The following HYAL4 variants were observed in gnomAD, a reference collection of about 807,000 sequenced individuals.
HYAL4 encodes hyaluronidase 4, also known as hyaluronidase-4.
In HYAL4, 37 loss-of-function variants were observed where a neutral mutation model predicts 35.2. The observed-to-expected ratio is 1.05, with a 90% CI of 0.81 to 1.38. The LOEUF (loss-of-function observed/expected upper bound fraction) is 1.38. HYAL4 is among the 40% of genes most tolerant of loss of function. HYAL4 has a pLI of 0.00. For missense variants in HYAL4, 572 were observed against 572.4 expected, an observed-to-expected ratio of 1.00 and a Z score of 0.01; for synonymous variants, 198 against 203.2, an observed-to-expected ratio of 0.97 and a Z score of 0.22.
chr7:123,804,536 T>C, the HYAL4 span, among the ~76,000 whole-genome samples: 1 of 152,220 alleles, frequency 6.6e-6, no homozygotes, highest in Non-Finnish European at 1.5e-5. Flanking sequence ...AACAGCTAAT[T>C]TAAAAAAAGA....
At chr7:123,813,435 A>C in the HYAL4 span, among the ~76,000 whole-genome samples, 4 of 152,184 alleles carry the variant, frequency 2.6e-5, no homozygotes, top group Non-Finnish European at 5.9e-5. Flanking sequence ...TATACAATCC[A>C]GTTTCTTTAT....
At chr7:123,796,570 GTAGTTCCACTTC>G in the HYAL4 span, among the ~76,000 whole-genome samples, 1 of 152,158 alleles carries the variant, frequency 6.6e-6, no homozygotes, top group African/African-American at 2.4e-5. Context: ...ATATGACCTA[GTAGTTCCACTTC>G]TAGGTACATG....
the HYAL4 span, among the ~76,000 whole-genome samples, chr7:123,766,179 C>T: frequency 3.3e-5 from 5 of 152,242 alleles, no homozygotes; most frequent in South Asian, 2.1e-4. Flanking sequence ...AGGGACATTA[C>T]GCTGGCATCT....
intron 2 of HYAL4, among the ~76,000 whole-genome samples, chr7:123,866,523 C>T (rs2116953266): frequency 6.6e-6 from 1 of 152,294 alleles, no homozygotes; most frequent in South Asian, 2.1e-4. Context: ...GGAAAGGGGT[C>T]TGTATCCGGA....
chr7:123,872,327 T>C (rs1806904328), intron 3 of HYAL4, among the ~76,000 whole-genome samples: 1 of 152,252 alleles, frequency 6.6e-6, no homozygotes, highest in Non-Finnish European at 1.5e-5. Context: ...GATGTGCTTT[T>C]AAAAATTAAC....
chr7:123,852,738 A>G (rs1053052836), intron 2 of HYAL4, among the ~76,000 whole-genome samples: 4 of 152,128 alleles, frequency 2.6e-5, no homozygotes, highest in Non-Finnish European at 5.9e-5. Flanking sequence ...TTGGTTCCAT[A>G]TGAAATTTAA....
At chr7:123,802,351 G>C in the HYAL4 span, among the ~76,000 whole-genome samples, 17 of 152,112 alleles carry the variant, frequency 1.1e-4, no homozygotes, top group Admixed American at 9.8e-4. Context: ...TTTTAAAGGA[G>C]AGCTTTCATC....
chr7:123,811,081 T>A, the HYAL4 span, among the ~76,000 whole-genome samples: 1 of 152,128 alleles, frequency 6.6e-6, no homozygotes, highest in Non-Finnish European at 1.5e-5. Context: ...TTCATTTATC[T>A]ACTCACCTAC....
chr7:123,864,568 A>C lies in HYAL4; in HGVS notation c.-51-3655A>C, dbSNP rs143673408. Among the ~76,000 whole-genome samples, 5 of 152,194 alleles carry C rather than the reference A, an allele frequency of 3.3e-5. No homozygotes were observed. The East Asian group carries it at 9.7e-4, about 30-fold the overall frequency. ...GATATGGTTAACTGTGGATAATTGC[A>C]CAGGTTGCTATGCTACAAGAACTAG... On this transcript the variant is annotated intron_variant, in intron 2 of 4. Coordinates refer to ENST00000223026, the MANE Select transcript of HYAL4 (RefSeq NM_012269.3).
At chr7:123,829,059 A>G (rs768411453) in exon 1 of HYAL4, 6 of 152,678 alleles carry the variant, frequency 3.9e-5, no homozygotes, top group Non-Finnish European at 5.9e-5. Flanking sequence ...TCTATGTAAC[A>G]ATCATGGAAG....
chr7:123,876,565 C>T (rs1400215264), intron 4 of HYAL4, among the ~76,000 whole-genome samples, 189 bp from the exon 5 acceptor site: 3 of 152,142 alleles, frequency 2.0e-5, no homozygotes, highest in African/African-American at 7.2e-5. Context: ...TGATTTGGGA[C>T]CCTTGTTATA....
At chr7:123,813,080 G>A in the HYAL4 span, among the ~76,000 whole-genome samples, 3 of 152,072 alleles carry the variant, frequency 2.0e-5, no homozygotes, top group Admixed American at 2.0e-4. Context: ...GTGAGAGTTA[G>A]CGTACAATTT....
At chr7:123,831,852 G>A (rs1177516448) in intron 1 of HYAL4, among the ~76,000 whole-genome samples, 1 of 152,174 alleles carries the variant, frequency 6.6e-6, no homozygotes, top group Non-Finnish European at 1.5e-5. Flanking sequence ...CAGATGAGTA[G>A]AAACCAGGCA....
At chr7:123,770,773 AG>A in the HYAL4 span, among the ~76,000 whole-genome samples, 1 of 151,340 alleles carries the variant, frequency 6.6e-6, no homozygotes, top group Non-Finnish European at 1.5e-5. Context: ...CTTTAAGAAA[AG>A]TAATTTATCA....
At chr7:123,832,466 C>T (rs1418059796) in intron 1 of HYAL4, among the ~76,000 whole-genome samples, 4 of 91,110 alleles carry the variant, frequency 4.4e-5, no homozygotes, top group Non-Finnish European at 6.4e-5. Flanking sequence ...TCCCCAAAGT[C>T]TATTGTGTCA....
the HYAL4 span, among the ~76,000 whole-genome samples, chr7:123,801,487 G>C: frequency 6.6e-6 from 1 of 152,054 alleles, no homozygotes; most frequent in Non-Finnish European, 1.5e-5. Flanking sequence ...TTTCTCTCAT[G>C]AAAGGATGAA....
At chr7:123,791,119 A>T in the HYAL4 span, among the ~76,000 whole-genome samples, 1 of 152,176 alleles carries the variant, frequency 6.6e-6, no homozygotes, top group Non-Finnish European at 1.5e-5. Flanking sequence ...TATTCTGTTT[A>T]TGCTGGTAAC....
chr7:123,833,911 T>A (rs1805921748), intron 1 of HYAL4, among the ~76,000 whole-genome samples: 1 of 152,208 alleles, frequency 6.6e-6, no homozygotes, highest in Non-Finnish European at 1.5e-5. Flanking sequence ...TTGGGTTTAT[T>A]TCTGAGTTCT....
the HYAL4 span, among the ~76,000 whole-genome samples, chr7:123,809,216 G>A: frequency 6.6e-6 from 1 of 151,918 alleles, no homozygotes; most frequent in Non-Finnish European, 1.5e-5. Flanking sequence ...CTGAAAACCT[G>A]TCCATTATGT....
Sources: allele counts gnomAD v4.1 joint callset (sites outside exome capture counted in the v4.1 genomes callset), GRCh38; gene constraint gnomAD v4.1.1; transcripts MANE v1.5; gene names NCBI Gene and HGNC (gene_info 2026-07-23, HGNC 2026-07-21).